ZFHX3: variants seen among roughly 807,000 people sequenced by gnomAD.
ZFHX3 encodes the protein zinc finger homeobox 3.
ZFHX3 carries 42 observed loss-of-function variants against 279.1 expected under a neutral mutation model. That is an observed-to-expected ratio of 0.15 (90% confidence interval 0.12 to 0.19). The LOEUF (loss-of-function observed/expected upper bound fraction) is 0.19, where lower values mean the gene tolerates loss of function less well. Ranked by LOEUF, ZFHX3 falls within the 10% of genes least tolerant of loss-of-function variation. The pLI, the probability that ZFHX3 is intolerant of heterozygous loss-of-function variation, is 1.00. For missense variants in ZFHX3, 4,981 were observed against 4,754.0 expected, an observed-to-expected ratio of 1.05 and a Z score of -1.40; for synonymous variants, 2,293 against 1,957.8, an observed-to-expected ratio of 1.17 and a Z score of -4.52.
intron 5 of ZFHX3, among the ~76,000 whole-genome samples, chr16:73,205,069 C>T (rs191625460): frequency 1.8e-3 from 279 of 152,190 alleles, no homozygotes; most frequent in Non-Finnish European, 3.4e-3. Context: ...AGTGGAATAA[C>T]GAGTGTGGGC....
intron 1 of ZFHX3, among the ~76,000 whole-genome samples, chr16:73,700,178 C>T (rs541426859): frequency 3.9e-5 from 6 of 152,072 alleles, no homozygotes; most frequent in Admixed American, 1.3e-4. Flanking sequence ...GCTGTGATCA[C>T]GCCACACACT....
chr16:73,439,822 A>G (rs2018055109), intron 3 of ZFHX3, among the ~76,000 whole-genome samples: 1 of 147,520 alleles, frequency 6.8e-6, no homozygotes, highest in Admixed American at 7.0e-5. Context: ...AATTGGACAC[A>G]TGTGGCATAT....
rs1240312155 is a variant in ZFHX3 at position 73,260,675 on chromosome 16, A to G, written c.-1193-3539T>C. ...CATGTTCTTTGTTAGTGGTGCACCT[A>G]TCTGGTTTTTTTTTTTTTTTTTTTT... On this transcript the variant is annotated intron_variant, in intron 4 of 17. Transcript: ENST00000641206. Among the ~76,000 whole-genome samples the G allele has an allele frequency of 3.6e-4, 44 of 122,600 alleles. No homozygotes were observed. The East Asian group carries it at 0.012, about 34-fold the overall frequency. The allele number at this position is 122,600 out of a possible 152,430, so 80.4% of individuals were successfully genotyped here.
chr16:72,851,239 G>T (rs2037609923), intron 4 of ZFHX3, among the ~76,000 whole-genome samples: 1 of 152,158 alleles, frequency 6.6e-6, no homozygotes, highest in African/African-American at 2.4e-5. Flanking sequence ...ATACCAGGAA[G>T]AAGAGGGACA....
chr16:72,940,891 T>A (rs1960378911), intron 3 of ZFHX3, among the ~76,000 whole-genome samples: 1 of 152,274 alleles, frequency 6.6e-6, no homozygotes, highest in Non-Finnish European at 1.5e-5. Context: ...CATCTCCTAA[T>A]CATTCTTGAT....
intron 5 of ZFHX3, among the ~76,000 whole-genome samples, chr16:73,156,838 C>T (rs543448934): frequency 9.9e-5 from 15 of 152,142 alleles, no homozygotes; most frequent in East Asian, 7.8e-4. Flanking sequence ...CTTAGCCTCC[C>T]GAGTAGCTGG....
chr16:73,217,904 C>T (rs887340825), intron 5 of ZFHX3, among the ~76,000 whole-genome samples: 9 of 151,954 alleles, frequency 5.9e-5, no homozygotes, highest in Non-Finnish European at 1.2e-4. Flanking sequence ...AAAAATTAAA[C>T]TCTTTTAACC....
intron 7 of ZFHX3, among the ~76,000 whole-genome samples, chr16:73,112,381 A>G (rs1966385449): frequency 6.6e-6 from 1 of 152,070 alleles, no homozygotes; most frequent in Non-Finnish European, 1.5e-5. Flanking sequence ...TCATAAATTA[A>G]AAGGATGACA....
intron 7 of ZFHX3, chr16:72,807,252 G>A (rs1383034018): frequency 6.6e-6 from 1 of 152,180 alleles, no homozygotes; most frequent in African/African-American, 2.4e-5. Context: ...TTGTGGAGGG[G>A]CCCTTGTCTC....
chr16:73,654,694 T>C (rs997644421), intron 2 of ZFHX3, among the ~76,000 whole-genome samples: 4 of 151,966 alleles, frequency 2.6e-5, no homozygotes, highest in African/African-American at 4.8e-5. Flanking sequence ...TTTACATTGA[T>C]AGATTAAAGG....
intron 5 of ZFHX3, among the ~76,000 whole-genome samples, chr16:73,242,716 C>T (rs113091859): frequency 1.4e-4 from 21 of 152,286 alleles, no homozygotes; most frequent in African/African-American, 3.9e-4. Flanking sequence ...CATGCAATAA[C>T]GAGACAAGAA....
chr16:72,921,794 T>G (rs1384267140), intron 3 of ZFHX3, among the ~76,000 whole-genome samples: 1 of 152,182 alleles, frequency 6.6e-6, no homozygotes, highest in African/African-American at 2.4e-5. Context: ...GCGGGGGCCT[T>G]GTCCTGAGCC....
chr16:73,183,453 C>T (rs1967845100), intron 5 of ZFHX3, among the ~76,000 whole-genome samples: 1 of 152,208 alleles, frequency 6.6e-6, no homozygotes, highest in African/African-American at 2.4e-5. Context: ...GGTCCTTTTG[C>T]AACTGGATTA....
intron 3 of ZFHX3, among the ~76,000 whole-genome samples, chr16:72,891,823 G>A (rs1316023299): frequency 6.6e-6 from 1 of 152,210 alleles, no homozygotes; most frequent in Non-Finnish European, 1.5e-5. Flanking sequence ...CCTGGCCCAT[G>A]GAGCCATGGC....
chr16:73,870,253 C>A (rs1962126059), intron 1 of ZFHX3, among the ~76,000 whole-genome samples: 2 of 152,168 alleles, frequency 1.3e-5, no homozygotes, highest in South Asian at 4.1e-4. Context: ...CTCCCCCGTA[C>A]CACTGGGCAT....
At chr16:73,112,249 A>G (rs1966383534) in intron 7 of ZFHX3, among the ~76,000 whole-genome samples, 1 of 152,060 alleles carries the variant, frequency 6.6e-6, no homozygotes, top group African/African-American at 2.4e-5. Context: ...AATGAGAGAA[A>G]GAGAGGCAGA....
chr16:73,566,543 T>C (rs2020452958), intron 2 of ZFHX3, among the ~76,000 whole-genome samples: 1 of 152,180 alleles, frequency 6.6e-6, no homozygotes, highest in Non-Finnish European at 1.5e-5. Context: ...ATCATCCCAA[T>C]CTTTCTGCTT....
intron 7 of ZFHX3, among the ~76,000 whole-genome samples, chr16:73,117,872 T>C (rs1239365203): frequency 6.6e-6 from 1 of 152,340 alleles, no homozygotes; most frequent in African/African-American, 2.4e-5. Flanking sequence ...TGACTGTCTA[T>C]GAACCAGGAA....
intron 5 of ZFHX3, among the ~76,000 whole-genome samples, chr16:73,195,066 C>G (rs144899562): frequency 6.6e-6 from 1 of 152,162 alleles, no homozygotes; most frequent in Non-Finnish European, 1.5e-5. Context: ...TCAGGTTAGA[C>G]AGAAGCATAT....
Sources: allele counts gnomAD v4.1 joint callset (sites outside exome capture counted in the v4.1 genomes callset), GRCh38; gene constraint gnomAD v4.1.1; transcripts MANE v1.5; gene names NCBI Gene and HGNC (gene_info 2026-07-23, HGNC 2026-07-21).